Variants in DCHS2 observed in about 807,000 individuals in gnomAD.
The protein encoded by DCHS2 is dachsous cadherin-related 2, also known as protocadherin-23.
DCHS2 carries 142 observed loss-of-function variants against 182.4 expected under a neutral mutation model. The observed-to-expected ratio is 0.78, with a 90% confidence interval of 0.68 to 0.89. The LOEUF (loss-of-function observed/expected upper bound fraction) is 0.89. Among genes scored for constraint, DCHS2 ranks in the 40% least tolerant of loss-of-function variants. The pLI is 0.00. For synonymous variants in DCHS2, 1,740 were observed against 1,663.3 expected, an observed-to-expected ratio of 1.05 and a Z score of -1.12; for missense variants, 4,319 against 4,198.6, an observed-to-expected ratio of 1.03 and a Z score of -0.79.
chr4:154,322,268 C>T (rs748308418), intron 8 of DCHS2, 63 bp downstream of exon 8: 3 of 1,603,288 alleles, frequency 1.9e-6, no homozygotes, highest in Non-Finnish European at 2.6e-6. Context: ...ACTCTATAAA[C>T]TTGTAATGAA....
intron 3 of DCHS2, chr4:154,352,571 T>G (rs1203178342): frequency 6.6e-6 from 1 of 152,196 alleles, no homozygotes; most frequent in Admixed American, 6.5e-5. Flanking sequence ...CACAGACAGA[T>G]AATTTATATC....
At chr4:154,325,823 T>C (rs1736260028) in intron 7 of DCHS2, among the ~76,000 whole-genome samples, 1 of 152,214 alleles carries the variant, frequency 6.6e-6, no homozygotes, top group Non-Finnish European at 1.5e-5. Flanking sequence ...CATGGAGGTA[T>C]TGAGAAGAAC....
intron 1 of DCHS2, among the ~76,000 whole-genome samples, chr4:154,417,158 AGTGTGTGTGTGTGTGTGTGTGTGT>A (rs778940410): frequency 1.2e-5 from 1 of 80,036 alleles, no homozygotes; most frequent in Non-Finnish European, 2.5e-5. Flanking sequence ...GCCGGTCCCG[AGTGTGTGTGTGTGTGTGTGTGTGT>A]GTGTGTGTGT....
At chr4:154,475,672 C>T (rs958304699) in intron 1 of DCHS2, among the ~76,000 whole-genome samples, 4 of 152,312 alleles carry the variant, frequency 2.6e-5, no homozygotes, top group Admixed American at 6.5e-5. Context: ...TCCCACATTG[C>T]TTCACCCAGA....
intron 1 of DCHS2, among the ~76,000 whole-genome samples, chr4:154,482,906 A>G (rs1424172916): frequency 2.0e-5 from 3 of 152,236 alleles, no homozygotes; most frequent in Non-Finnish European, 4.4e-5. Flanking sequence ...TTACCTGTAA[A>G]GAGTAAAGGC....
chr4:154,383,003 AAT>A (rs1159678073), intron 1 of DCHS2, among the ~76,000 whole-genome samples: 1 of 152,206 alleles, frequency 6.6e-6, no homozygotes, highest in African/African-American at 2.4e-5. Flanking sequence ...TCCAAAGGAA[AAT>A]AAATTATTCT....
intron 3 of DCHS2, chr4:154,352,310 T>G (rs941466389): frequency 8.5e-5 from 13 of 152,328 alleles, no homozygotes; most frequent in Admixed American, 7.2e-4. Context: ...AAGCAACAGC[T>G]TGCTTTATCC....
chr4:154,312,535 C>G (rs529948671), intron 10 of DCHS2, among the ~76,000 whole-genome samples: 2 of 151,898 alleles, frequency 1.3e-5, no homozygotes, highest in South Asian at 2.1e-4. Context: ...GGGAACAGAG[C>G]GAGATTCCGT....
At chr4:154,363,487 C>A (rs1453015409) in intron 3 of DCHS2, among the ~76,000 whole-genome samples, 2 of 152,122 alleles carry the variant, frequency 1.3e-5, no homozygotes, top group African/African-American at 4.8e-5. Context: ...CATGGTCTCA[C>A]TTTTACATGT....
chr4:154,440,262 G>C (rs1733947502), intron 1 of DCHS2, among the ~76,000 whole-genome samples: 1 of 152,170 alleles, frequency 6.6e-6, no homozygotes, highest in Non-Finnish European at 1.5e-5. Flanking sequence ...GAGTTATAAA[G>C]AGGCTGATGT....
At chr4:154,449,212 C>G (rs1322553020) in intron 1 of DCHS2, among the ~76,000 whole-genome samples, 1 of 71,454 alleles carries the variant, frequency 1.4e-5, no homozygotes, top group South Asian at 1.2e-3. Context: ...TAAATATCCC[C>G]AAAATTGAAA....
chr4:154,252,202 G>A (rs2404907), intron 16 of DCHS2, among the ~76,000 whole-genome samples: 141,875 of 152,180 alleles, frequency 0.93, 66,254 homozygotes, highest in East Asian at 1. Flanking sequence ...CATAGTAGGT[G>A]TATACATTTA....
chr4:154,308,260 A>T (rs1055507075), intron 10 of DCHS2, among the ~76,000 whole-genome samples: 1 of 151,968 alleles, frequency 6.6e-6, no homozygotes, highest in African/African-American at 2.4e-5. Flanking sequence ...ATTTAAAAAA[A>T]AAAAACAAAA....
chr4:154,255,598 C>T lies in DCHS2; in HGVS notation c.6862G>A (p.Glu2288Lys). 2 of 1,614,028 alleles carry T rather than the reference C, an allele frequency of 1.2e-6. No homozygotes were observed. Among genetic ancestry groups the T allele is most frequent in the Non-Finnish European group, 1.7e-6 (2 of 1,179,982 alleles). The change falls in exon 16 of 20, where the codon GAA becomes AAA. Residue 2288 changes from glutamate to lysine, a missense_variant. Physicochemically the swap from Glu to Lys is moderately conservative, Grantham distance 56 (BLOSUM62 1). Coordinates refer to ENST00000357232, the MANE Select transcript of DCHS2 (RefSeq NM_001358235.2). ...CTCAGTGCATCAATCTGGAATGCTTCTTCTTGGTTGCCAGACAGAATAGAA... is the reference window on the plus strand; with the variant it reads ...CTCAGTGCATCAATCTGGAATGCTTTTTCTTGGTTGCCAGACAGAATAGAA... ...EYSILSGNQE[E>K]AFQIDALSGV...
At chr4:154,343,546 CTT>C in intron 3 of DCHS2, 5 of 1,527,414 alleles carry the variant, frequency 3.3e-6, no homozygotes, top group Non-Finnish European at 4.4e-6. Flanking sequence ...TCATCTTGCA[CTT>C]TTAGGTAATG....
In DCHS2 at chr4:154,259,648, G is replaced by A. The variant is rs1187560118; in HGVS notation, c.6686C>T (p.Ala2229Val). Residue 2229 changes from alanine (A) to valine (V), a missense_variant, in exon 15 of 20, where the codon GCA becomes GTA. Physicochemically the swap from Ala to Val is moderately conservative, Grantham distance 64. Coordinates refer to ENST00000357232, the MANE Select transcript of DCHS2 (RefSeq NM_001358235.2). ...SSGHRAYCKV[A>V]VLIQDENDNS... ...ATCATTCTCATCCTGTATCAAGACT[G>A]CTACTTTGCAATAGGCTCTATGCCC... The A allele has an allele frequency of 6.2e-7, 1 of 1,613,854 alleles. No individual in the cohort carries two copies. The highest frequency in any genetic ancestry group is 1.7e-5 in the Admixed American group (1 of 59,986).
In DCHS2 at chr4:154,294,223, TGAATA is replaced by T. The variant is rs527419865; in HGVS notation, c.6463+3623_6463+3627del. Among the ~76,000 whole-genome samples, 436 of 152,292 alleles carry T rather than the reference TGAATA, an allele frequency of 2.9e-3. 2 individuals carry two copies. Among genetic ancestry groups the T allele is most frequent in the African/African-American group, 0.01 (417 of 41,564 alleles). On this transcript the variant is annotated intron_variant, in intron 13 of 19. Transcript: ENST00000357232. ...CAAAACCACCTTTTAAGAGACTAAA[TGAATA>T]GATGTTCAAGGCTTCTTAAAATTGA...
intron 13 of DCHS2, among the ~76,000 whole-genome samples, chr4:154,283,098 A>G (rs1734226208): frequency 6.6e-6 from 1 of 152,170 alleles, no homozygotes; most frequent in African/African-American, 2.4e-5. Flanking sequence ...TCTGTTGTGT[A>G]ACAATGTGCA....
At chr4:154,272,408 T>C (rs559040952) in intron 13 of DCHS2, 1 of 152,312 alleles carries the variant, frequency 6.6e-6, no homozygotes, top group African/African-American at 2.4e-5. Flanking sequence ...TTTGGCTTTG[T>C]GTCCCCACCC....
Sources: gnomAD v4.1 joint callset for allele counts (sites outside exome capture counted in the v4.1 genomes callset) on GRCh38, gnomAD v4.1.1 for gene constraint, MANE v1.5 for transcripts, NCBI Gene and HGNC (gene_info 2026-07-23, HGNC 2026-07-21) for gene names.